The following CCDC57 variants were observed in gnomAD, a reference collection of about 807,000 sequenced individuals.
The protein encoded by CCDC57 is coiled-coil domain containing 57.
CCDC57 carries 118 observed loss-of-function variants against 118.9 expected under a neutral mutation model. The ratio of observed to expected loss-of-function variants is 0.99; its 90% CI spans 0.86 to 1.16. The LOEUF (loss-of-function observed/expected upper bound fraction) is 1.16, where lower values mean the gene tolerates loss of function less well. CCDC57 is among the 50% of genes most tolerant of loss of function. The probability of loss-of-function intolerance (pLI) is 0.00; values close to 1 mark genes in which losing one functional copy is unlikely to be tolerated. For missense variants in CCDC57, 1,300 were observed against 1,320.7 expected (o/e 0.98, Z 0.24); for synonymous variants, 527 against 532.9 (o/e 0.99, Z 0.15).
intron 14 of CCDC57, among the ~76,000 whole-genome samples, chr17:82,158,371 T>G (rs1213207609): frequency 6.6e-6 from 1 of 151,984 alleles, no homozygotes; most frequent in African/African-American, 2.4e-5. Flanking sequence ...GGCCAGGAAG[T>G]CGGAGGGCTG....
At chr17:82,107,221 C>A (rs1287472479) in intron 19 of CCDC57, among the ~76,000 whole-genome samples, 1 of 152,230 alleles carries the variant, frequency 6.6e-6, no homozygotes, top group Non-Finnish European at 1.5e-5. Context: ...TGGAGTTGCT[C>A]TCCAGAGATC....
chr17:82,150,189 A>G (rs1407111601), intron 16 of CCDC57, among the ~76,000 whole-genome samples: 3 of 121,594 alleles, frequency 2.5e-5, no homozygotes, highest in South Asian at 3.0e-4. Context: ...CCAGAACCTG[A>G]CCCGCACCTA....
rs9901076 is a variant in CCDC57, at chr17:82,212,144, G to A, written c.-211+641C>T. On this transcript the variant is annotated intron_variant, in intron 1 of 19. Coordinates refer to ENST00000665763, the Ensembl canonical transcript of CCDC57. The surrounding 1 kb of genome is among the most constrained non-coding windows in gnomAD (Gnocchi z 4.1). ...GACTCCTGAGTAGTCTCAGAGTGTG[G>A]CGTTCTCTCTATAACTCCCTCAGTT... Among the ~76,000 whole-genome samples the A allele has an allele frequency of 0.46, 69,452 of 151,962 alleles. 16,713 individuals carry two copies. Among genetic ancestry groups the A allele is most frequent in the East Asian group, 0.88 (4,550 of 5,168 alleles).
chr17:82,205,045 C>A (rs2049450876), intron 2 of CCDC57, among the ~76,000 whole-genome samples: 1 of 152,266 alleles, frequency 6.6e-6, no homozygotes, highest in South Asian at 2.1e-4. Context: ...GTGAGTCCCA[C>A]TGTCTGGCAC....
chr17:82,177,588 C>T (rs115446534), intron 11 of CCDC57, among the ~76,000 whole-genome samples: 2,411 of 152,174 alleles, frequency 0.016, 73 homozygotes, highest in African/African-American at 0.056. Context: ...GAATGAAGGA[C>T]GAGCTAGGAA....
intron 19 of CCDC57, among the ~76,000 whole-genome samples, chr17:82,121,394 C>T (rs751249998): frequency 4.6e-5 from 7 of 152,232 alleles, no homozygotes; most frequent in East Asian, 1.9e-4. Flanking sequence ...AGCAGGCTCT[C>T]GAGGACATGA....
At chr17:82,204,655 C>T (rs1348874054) in intron 2 of CCDC57, among the ~76,000 whole-genome samples, 5 of 152,146 alleles carry the variant, frequency 3.3e-5, no homozygotes, top group East Asian at 3.9e-4. Context: ...TGGTGGTGGG[C>T]GCCTGTAGTC....
chr17:82,126,951 AACC>A (rs749964337), intron 19 of CCDC57: 16 of 985,386 alleles, frequency 1.6e-5, no homozygotes, highest in Non-Finnish European at 1.9e-5. Context: ...CTCCCGCCCC[AACC>A]ACATCACACG....
chr17:82,152,047 TC>T, intron 15 of CCDC57: 1 of 473,134 alleles, frequency 2.1e-6, no homozygotes, highest in Non-Finnish European at 3.8e-6. Flanking sequence ...CTCCGCCTCC[TC>T]CCCGCCATCC....
chr17:82,132,677 C>T (rs997571170), intron 17 of CCDC57, among the ~76,000 whole-genome samples: 3 of 151,784 alleles, frequency 2.0e-5, no homozygotes, highest in Non-Finnish European at 2.9e-5. Flanking sequence ...ACCTCAACCT[C>T]CTGAGTCTGG....
intron 1 of CCDC57, among the ~76,000 whole-genome samples, chr17:82,208,947 C>T (rs2049978647): frequency 6.6e-6 from 1 of 152,150 alleles, no homozygotes; most frequent in Non-Finnish European, 1.5e-5. Flanking sequence ...CAGCTCACTG[C>T]AGCCTCGAAT....
intron 17 of CCDC57, among the ~76,000 whole-genome samples, chr17:82,133,123 T>C (rs2038656757): frequency 6.6e-6 from 1 of 152,032 alleles, no homozygotes; most frequent in Non-Finnish European, 1.5e-5. Flanking sequence ...ATAATCCCAG[T>C]ACTTTGAGAG....
chr17:82,196,487 A>G (rs957365892), intron 4 of CCDC57, among the ~76,000 whole-genome samples: 2 of 152,214 alleles, frequency 1.3e-5, no homozygotes, highest in Non-Finnish European at 2.9e-5. Context: ...AGGAGGGCCC[A>G]TCATGACGTG....
Position 82,179,206 on chromosome 17 carries a change from C to T in CCDC57, c.1212-17G>A. 1 of 1,609,326 alleles carries T rather than the reference C, an allele frequency of 6.2e-7. No homozygotes were observed. Among genetic ancestry groups the T allele is most frequent in the East Asian group, 2.2e-5 (1 of 44,862 alleles). ...TGCTTGTACCTAAGGACACGTCCAACCGCTCAGCATTAATGCTTCCTGAGG... is the reference window on the plus strand; with the variant it reads ...TGCTTGTACCTAAGGACACGTCCAATCGCTCAGCATTAATGCTTCCTGAGG... On this transcript the variant is annotated splice_polypyrimidine_tract_variant and intron_variant, in intron 9 of 19. Coordinates refer to ENST00000665763, the Ensembl canonical transcript of CCDC57.
chr17:82,133,990 T>C lies in CCDC57; in HGVS notation c.2577+83A>G, dbSNP rs187671073. 304 of 1,248,256 alleles carry C rather than the reference T, an allele frequency of 2.4e-4. 3 individuals carry two copies. The African/African-American group carries it at 4.1e-3, about 17-fold the overall frequency. 77.3% of individuals were successfully genotyped at this position (1,248,256 alleles called of 1,614,324 possible). ...TGGAGGCTTTTTATATTGTGTTTAT[T>C]GTAATCTGAAGTTTCTGTAATGAAA... On this transcript the variant is annotated intron_variant, in intron 17 of 19. Transcript: ENST00000665763.
intron 16 of CCDC57, among the ~76,000 whole-genome samples, chr17:82,137,348 C>T (rs922375211): frequency 6.6e-6 from 1 of 152,180 alleles, no homozygotes; most frequent in African/African-American, 2.4e-5. Context: ...TATTGACTTC[C>T]CCTAAACTAT....
At chr17:82,126,267 C>CA (rs1338939984) in intron 19 of CCDC57, 12 of 537,062 alleles carry the variant, frequency 2.2e-5, no homozygotes, top group Non-Finnish European at 2.5e-5. Context: ...GCAACAAGAG[C>CA]AAAACTCCAT....
chr17:82,205,349 C>T (rs1360620976), intron 2 of CCDC57, among the ~76,000 whole-genome samples: 1 of 152,184 alleles, frequency 6.6e-6, no homozygotes, highest in Non-Finnish European at 1.5e-5. Flanking sequence ...ACTCATTGGT[C>T]GCAGCCACCC....
intron 16 of CCDC57, among the ~76,000 whole-genome samples, chr17:82,138,929 G>A (rs1454217499): frequency 6.6e-6 from 1 of 152,210 alleles, no homozygotes; most frequent in Non-Finnish European, 1.5e-5. Flanking sequence ...ACTTTAACGT[G>A]AGCTGTGCAT....
Sources: allele counts gnomAD v4.1 joint callset (sites outside exome capture counted in the v4.1 genomes callset), GRCh38; gene constraint gnomAD v4.1.1; non-coding constraint Gnocchi (gnomAD v3.1); transcripts MANE v1.5; gene names NCBI Gene and HGNC (gene_info 2026-07-23, HGNC 2026-07-21).